PTPRN2: variants seen among roughly 807,000 people sequenced by gnomAD.
The protein encoded by PTPRN2 is protein tyrosine phosphatase receptor type N2.
In PTPRN2, 74 loss-of-function variants were observed where a neutral mutation model predicts 118.8. That is an observed-to-expected ratio of 0.62 (90% CI 0.52 to 0.76). The LOEUF (loss-of-function observed/expected upper bound fraction) is 0.76, where lower values mean the gene tolerates loss of function less well. Ranked by LOEUF, PTPRN2 falls within the 30% of genes least tolerant of loss-of-function variation. PTPRN2 has a pLI of 0.00. For missense variants in PTPRN2, 1,481 were observed against 1,394.4 expected (o/e 1.06, Z -0.99); for synonymous variants, 641 against 608.0 (o/e 1.05, Z -0.80).
intron 11 of PTPRN2, among the ~76,000 whole-genome samples, chr7:157,934,046 G>C (rs1799558306): frequency 6.6e-6 from 1 of 152,216 alleles, no homozygotes; most frequent in South Asian, 2.1e-4. Context: ...CTCAGGAATA[G>C]ACTGGGTTTT....
chr7:158,312,220 AC>A (rs1563119728), intron 3 of PTPRN2, among the ~76,000 whole-genome samples: 8 of 140,518 alleles, frequency 5.7e-5, no homozygotes, highest in African/African-American at 1.9e-4. Flanking sequence ...ACACGTGCTC[AC>A]AGACACCCAC....
chr7:158,150,007 C>T (rs1159476007), intron 6 of PTPRN2, among the ~76,000 whole-genome samples: 2 of 152,154 alleles, frequency 1.3e-5, no homozygotes, highest in South Asian at 2.1e-4. Context: ...TCATTACAGA[C>T]ACATCAGATT....
At chr7:158,366,119 A>G (rs1190115895) in intron 2 of PTPRN2, among the ~76,000 whole-genome samples, 1 of 132,210 alleles carries the variant, frequency 7.6e-6, no homozygotes, top group African/African-American at 2.9e-5. Flanking sequence ...CTGCAGCCCA[A>G]TGCACGCGTG....
intron 11 of PTPRN2, among the ~76,000 whole-genome samples, chr7:157,980,160 T>A (rs2128827626): frequency 6.6e-6 from 1 of 152,340 alleles, no homozygotes; most frequent in Non-Finnish European, 1.5e-5. Context: ...TATTATTACA[T>A]CACTGAGGTT....
At chr7:158,040,823 C>T (rs1050682232) in intron 11 of PTPRN2, among the ~76,000 whole-genome samples, 15 of 149,092 alleles carry the variant, frequency 1.0e-4, no homozygotes, top group Admixed American at 5.4e-4. Context: ...ACCTCTGCCT[C>T]CCAGGTTCAA....
At chr7:158,247,364 C>T (rs1010474949) in intron 3 of PTPRN2, among the ~76,000 whole-genome samples, 2 of 152,176 alleles carry the variant, frequency 1.3e-5, no homozygotes, top group African/African-American at 2.4e-5. Context: ...GGGAGGAGGG[C>T]GCTCTTGACC....
chr7:157,945,661 C>T (rs1033359972), intron 11 of PTPRN2, among the ~76,000 whole-genome samples: 1 of 151,230 alleles, frequency 6.6e-6, no homozygotes, highest in Non-Finnish European at 1.5e-5. Flanking sequence ...ACGATGCCGC[C>T]TCCAGCTTGG....
chr7:158,333,371 C>T (rs1435263760), intron 2 of PTPRN2, among the ~76,000 whole-genome samples: 2 of 144,772 alleles, frequency 1.4e-5, no homozygotes, highest in East Asian at 4.0e-4. Flanking sequence ...CTCACACCCA[C>T]ACTCGCACCA....
chr7:158,363,763 G>A (rs867691875), intron 2 of PTPRN2, among the ~76,000 whole-genome samples: 11 of 152,200 alleles, frequency 7.2e-5, no homozygotes, highest in African/African-American at 2.4e-4. Context: ...CCTGGGAAGC[G>A]GCTGGCCTGC....
chr7:158,138,667 G>A, intron 6 of PTPRN2, 152 bp from the exon 7 acceptor site: 1 of 665,468 alleles, frequency 1.5e-6, no homozygotes, highest in Non-Finnish European at 2.5e-6. Flanking sequence ...AGAAGATTGG[G>A]ATATTGGACT....
At chr7:158,418,653 G>C (rs1008560506) in intron 2 of PTPRN2, among the ~76,000 whole-genome samples, 2 of 150,536 alleles carry the variant, frequency 1.3e-5, no homozygotes. Flanking sequence ...AGATGCTGTA[G>C]CTCTCAGTGT....
At chr7:157,873,461 G>C (rs1811241876) in intron 12 of PTPRN2, among the ~76,000 whole-genome samples, 1 of 152,098 alleles carries the variant, frequency 6.6e-6, no homozygotes, top group Non-Finnish European at 1.5e-5. Context: ...CTCGCCGTGG[G>C]GGCCGGGAGG....
intron 12 of PTPRN2, among the ~76,000 whole-genome samples, chr7:157,693,763 C>T (rs986526060): frequency 2.6e-5 from 4 of 152,118 alleles, no homozygotes; most frequent in African/African-American, 9.7e-5. Context: ...ACCACCTTCC[C>T]CGCCAGCCCG....
In PTPRN2 at chr7:157,627,295, T is replaced by G. The variant is rs1321857430; in HGVS notation, c.2197-5786A>C. Among the ~76,000 whole-genome samples, 1 of 152,230 alleles carries G rather than the reference T, an allele frequency of 6.6e-6. No homozygotes were observed. Among genetic ancestry groups the G allele is most frequent in the Non-Finnish European group, 1.5e-5 (1 of 68,038 alleles). On this transcript the variant is annotated intron_variant, in intron 14 of 22. Transcript: ENST00000389418. This position sits in a 1 kb window ranked among gnomAD's most constrained non-coding sequence, Gnocchi z 4.2. Reference sequence around the variant, plus strand: ...TCCGTCAGTGCCTCTGAGTTGAAGCTTTATGAAGAAAGCTCTAGAATGAGC... The same window carrying G: ...TCCGTCAGTGCCTCTGAGTTGAAGCGTTATGAAGAAAGCTCTAGAATGAGC...
At chr7:158,550,446 C>T (rs1372452378) in intron 1 of PTPRN2, among the ~76,000 whole-genome samples, 2 of 152,240 alleles carry the variant, frequency 1.3e-5, no homozygotes, top group African/African-American at 2.4e-5. Context: ...ACACCCAGTT[C>T]AGGTGCCTCC....
intron 1 of PTPRN2, among the ~76,000 whole-genome samples, chr7:158,571,754 C>CA (rs1033015606): frequency 2.6e-5 from 4 of 151,442 alleles, no homozygotes; most frequent in African/African-American, 9.7e-5. Flanking sequence ...CTTAAGGATC[C>CA]AAAAAAATAA....
At chr7:157,879,122 G>A (rs531415208) in intron 12 of PTPRN2, among the ~76,000 whole-genome samples, 6 of 149,128 alleles carry the variant, frequency 4.0e-5, no homozygotes, top group South Asian at 2.2e-4. Flanking sequence ...CTTACTCACC[G>A]AGGAGCTCTC....
In PTPRN2 at chr7:157,881,513, C is replaced by G. The variant is rs370066737; in HGVS notation, c.1788+17160G>C. ...ATAAAGGTTTGTGACTGAAGCCCCC[C>G]ACTCTGCAGTATTCTGTTGTGGCAG... On this transcript the variant is annotated intron_variant, in intron 12 of 22. Coordinates refer to ENST00000389418, the MANE Select transcript of PTPRN2 (RefSeq NM_002847.5). The surrounding 1 kb of genome is among the most constrained non-coding windows in gnomAD (Gnocchi z 4.7). 1.1e-3 allele frequency among the ~76,000 whole-genome samples: 162 copies of G among 152,204 alleles called. 1 individual carries two copies. Among genetic ancestry groups the G allele is most frequent in the Middle Eastern group, 3.4e-3 (1 of 294 alleles).
At chr7:158,523,988 G>T (rs1321817522) in intron 1 of PTPRN2, among the ~76,000 whole-genome samples, 1 of 64,106 alleles carries the variant, frequency 1.6e-5, no homozygotes, top group Non-Finnish European at 2.9e-5. Context: ...AGTGGAGTCT[G>T]CCCTGGAGTG....
Sources: allele counts gnomAD v4.1 joint callset (sites outside exome capture counted in the v4.1 genomes callset), GRCh38; gene constraint gnomAD v4.1.1; non-coding constraint Gnocchi (gnomAD v3.1); transcripts MANE v1.5; gene names NCBI Gene and HGNC (gene_info 2026-07-23, HGNC 2026-07-21).